The following EEA1 variants were observed in gnomAD, a reference collection of about 807,000 sequenced individuals.
EEA1 encodes early endosome antigen 1, 162kD.
EEA1 carries 111 observed loss-of-function variants against 209.2 expected under a neutral mutation model. The ratio of observed to expected loss-of-function variants is 0.53; its 90% CI spans 0.45 to 0.62. The LOEUF (loss-of-function observed/expected upper bound fraction) is 0.62, where lower values mean the gene tolerates loss of function less well. Ranked by LOEUF, EEA1 falls within the 20% of genes least tolerant of loss-of-function variation. The probability of loss-of-function intolerance (pLI) is 0.00; values close to 1 mark genes in which losing one functional copy is unlikely to be tolerated. For missense variants in EEA1, 1,343 were observed against 1,530.8 expected (o/e 0.88, Z 2.05); for synonymous variants, 536 against 540.6 (o/e 0.99, Z 0.12).
At chr12:92,825,261 C>T (rs1056340364) in intron 13 of EEA1, among the ~76,000 whole-genome samples, 4 of 152,080 alleles carry the variant, frequency 2.6e-5, no homozygotes, top group Admixed American at 6.6e-5. Context: ...ACCATCCTGG[C>T]TAACACGGTG....
intron 10 of EEA1, among the ~76,000 whole-genome samples, chr12:92,836,515 A>G (rs1222690688): frequency 1.6e-4 from 24 of 152,160 alleles, no homozygotes; most frequent in Admixed American, 1.6e-3. Flanking sequence ...TATTTCAGAG[A>G]TCTCATCTCA....
chr12:92,816,331 C>A lies in EEA1; in HGVS notation c.1798G>T (p.Asp600Tyr). ...TGTGCCTTCTGCTCTTGTACCTGGT[C>A]ATGCAAATTCTCCTGGGCTTGTTTA... ...SHKQAQENLHDQVQEQKAHLR... is the reference protein window; with the variant it reads ...SHKQAQENLHYQVQEQKAHLR... The change falls in exon 15 of 29, where the codon GAC (aspartate) becomes TAC (tyrosine). Residue 600 changes from aspartate (D) to tyrosine (Y), a missense_variant. Physicochemically the swap from Asp to Tyr is radical, Grantham distance 160 (BLOSUM62 -3). Coordinates refer to ENST00000322349, the MANE Select transcript of EEA1 (RefSeq NM_003566.4). The A allele has an allele frequency of 6.2e-7, 1 of 1,614,006 alleles. No individual in the cohort carries two copies. Among genetic ancestry groups the A allele is most frequent in the South Asian group, 1.1e-5 (1 of 91,040 alleles).
chr12:92,834,127 C>T (rs1008267362), intron 10 of EEA1, among the ~76,000 whole-genome samples: 2 of 151,870 alleles, frequency 1.3e-5, no homozygotes, highest in Non-Finnish European at 2.9e-5. Context: ...TTGCTGCGTT[C>T]CCCAACATGG....
chr12:92,916,983 A>AC (rs1173486013), intron 1 of EEA1, among the ~76,000 whole-genome samples: 1 of 151,806 alleles, frequency 6.6e-6, no homozygotes, highest in Non-Finnish European at 1.5e-5. Context: ...CAACTGGAAG[A>AC]AAGGGTGTCA....
At chr12:92,873,503 A>C (rs1878741432) in intron 2 of EEA1, among the ~76,000 whole-genome samples, 1 of 152,256 alleles carries the variant, frequency 6.6e-6, no homozygotes, top group Non-Finnish European at 1.5e-5. Context: ...CATGGAATTA[A>C]GTAGCAAGAA....
intron 1 of EEA1, among the ~76,000 whole-genome samples, chr12:92,893,876 A>C (rs1460637115): frequency 6.6e-6 from 1 of 151,940 alleles, no homozygotes; most frequent in Non-Finnish European, 1.5e-5. Flanking sequence ...TCATGCAGAT[A>C]CTTTGCACAT....
rs1565831384 is a variant in EEA1 at position 92,842,601 on chromosome 12, C to T, written c.799-20G>A. Reference sequence around the variant, plus strand: ...TGTGGCCTAACAAAACAAAACAAAACAAAAATTAAAGCAAACTAAATTGTC... The same window carrying T: ...TGTGGCCTAACAAAACAAAACAAAATAAAAATTAAAGCAAACTAAATTGTC... On this transcript the variant is annotated intron_variant, in intron 9 of 28. Transcript: ENST00000322349. 2.9e-6 allele frequency: 4 copies of T among 1,372,408 alleles called. No homozygotes were observed. Among genetic ancestry groups the T allele is most frequent in the Non-Finnish European group, 4.1e-6 (4 of 987,134 alleles). The allele number at this position is 1,372,408 out of a possible 1,614,324, so 85.0% of individuals were successfully genotyped here.
chr12:92,831,548 A>C (rs1166496235), intron 11 of EEA1, among the ~76,000 whole-genome samples: 3 of 147,732 alleles, frequency 2.0e-5, no homozygotes, highest in Admixed American at 6.8e-5. Flanking sequence ...CATGATATGA[A>C]TATCATGATA....
At position 92,850,080 on chromosome 12, in the gene EEA1, T is replaced by C. The variant is rs868825151; in HGVS notation, c.798+1031A>G. Among the ~76,000 whole-genome samples the C allele has an allele frequency of 2.0e-5, 3 of 152,170 alleles. No homozygotes were observed. The South Asian group carries it at 6.2e-4, about 31-fold the overall frequency. On this transcript the variant is annotated intron_variant, in intron 9 of 28. Coordinates refer to ENST00000322349, the MANE Select transcript of EEA1 (RefSeq NM_003566.4). ...CAAAGTCATGTCATGTAAGAAATAG[T>C]AGAAGAACTGAAAATGTTTATCTTG... is the stretch of plus-strand genomic sequence containing the variant.
intron 13 of EEA1, among the ~76,000 whole-genome samples, chr12:92,825,346 C>T (rs556272898): frequency 2.0e-5 from 3 of 151,688 alleles, no homozygotes; most frequent in South Asian, 2.1e-4. Flanking sequence ...AGCTACTACC[C>T]GGGAGGCTGA....
chr12:92,883,319 A>G (rs1367497576), intron 2 of EEA1, among the ~76,000 whole-genome samples: 1 of 152,154 alleles, frequency 6.6e-6, no homozygotes, highest in Non-Finnish European at 1.5e-5. Context: ...TGATATCTGC[A>G]AACTTGGCTG....
At chr12:92,915,047 G>T (rs923015428) in intron 1 of EEA1, among the ~76,000 whole-genome samples, 10 of 152,100 alleles carry the variant, frequency 6.6e-5, no homozygotes, top group African/African-American at 2.4e-4. Context: ...TCACAGAATT[G>T]TTGCAAAGAT....
At chr12:92,797,669 GA>G (rs1288673454) in intron 21 of EEA1, among the ~76,000 whole-genome samples, 1 of 152,080 alleles carries the variant, frequency 6.6e-6, no homozygotes, top group African/African-American at 2.4e-5. Flanking sequence ...ATATTTTGAA[GA>G]AAATGACCTC....
In EEA1 at chr12:92,832,581, A is replaced by C. The variant is rs1876705588; in HGVS notation, c.1185T>G (p.Phe395Leu). ...CTTCTCTCTGTTGTTGTAGCTGCTT[A>C]AACTCCGCCTTTAGATGCTGGTACT... ...ETKYQHLKAE[F>L]KQLQQQREEK... Residue 395 changes from phenylalanine to leucine, a missense_variant, in exon 11 of 29, where the codon TTT becomes TTG. Phe to Leu is a conservative substitution (Grantham distance 22, BLOSUM62 0). Around this residue, in one of 3 missense-constraint regions of EEA1, gnomAD observed 1,307 missense variants for 1,465.5 expected, o/e 0.89. Transcript: ENST00000322349. The C allele has an allele frequency of 6.2e-7, 1 of 1,613,966 alleles. No homozygotes were observed.
intron 20 of EEA1, 58 bp from the exon 21 acceptor site, chr12:92,799,144 T>G: frequency 7.2e-7 from 1 of 1,385,588 alleles, no homozygotes; most frequent in Non-Finnish European, 9.5e-7. Context: ...GACGATGTAC[T>G]GAGTAACTAG....
In EEA1 at chr12:92,853,038, G is replaced by C. The variant is rs776838967; in HGVS notation, c.407-13C>G. ...AAAGACTGTAGTTCTACAAAAAAGT[G>C]TCGCAGTTATTCAAATACCATGTTA... On this transcript the variant is annotated splice_polypyrimidine_tract_variant and intron_variant, in intron 6 of 28. Coordinates refer to ENST00000322349, the MANE Select transcript of EEA1 (RefSeq NM_003566.4). The C allele has an allele frequency of 3.9e-6, 6 of 1,526,492 alleles. No individual in the cohort carries two copies. Among genetic ancestry groups the C allele is most frequent in the Non-Finnish European group, 4.5e-6 (5 of 1,112,536 alleles). The allele number at this position is 1,526,492 out of a possible 1,614,324, so 94.6% of individuals were successfully genotyped here. A position where few individuals can be genotyped will look rare whatever the true frequency, so the allele number is the denominator to read the frequency against.
chr12:92,850,489 A>C (rs1288056606), intron 9 of EEA1, among the ~76,000 whole-genome samples: 6 of 152,134 alleles, frequency 3.9e-5, no homozygotes, highest in Non-Finnish European at 7.4e-5. Context: ...CAGGAGTTCG[A>C]GACCAGCCTG....
intron 3 of EEA1, chr12:92,858,182 T>C: frequency 1.5e-6 from 1 of 674,900 alleles, no homozygotes; most frequent in Admixed American, 1.9e-5. Flanking sequence ...ATAAGATCTG[T>C]GACCAGATCA....
At chr12:92,873,752 A>T (rs548431010) in intron 2 of EEA1, among the ~76,000 whole-genome samples, 3 of 152,318 alleles carry the variant, frequency 2.0e-5, no homozygotes, top group Non-Finnish European at 4.4e-5. Context: ...GTGGAATAAC[A>T]ATAACACCTA....
Sources: allele counts gnomAD v4.1 joint callset (sites outside exome capture counted in the v4.1 genomes callset), GRCh38; gene constraint gnomAD v4.1.1; regional missense constraint gnomAD v4.1.1; transcripts MANE v1.5; gene names NCBI Gene and HGNC (gene_info 2026-07-23, HGNC 2026-07-21).